KIAA1217: variants seen among roughly 807,000 people sequenced by gnomAD.
KIAA1217 encodes the protein sickle tail protein homolog.
A neutral mutation model predicts 163.9 loss-of-function variants in KIAA1217; 88 were observed. The observed-to-expected ratio is 0.54, with a 90% CI of 0.45 to 0.64. The LOEUF (loss-of-function observed/expected upper bound fraction) is 0.64, where lower values mean the gene tolerates loss of function less well. Among genes scored for constraint, KIAA1217 ranks in the 30% least tolerant of loss-of-function variants. The pLI, the probability that KIAA1217 is intolerant of heterozygous loss-of-function variation, is 0.00. For synonymous variants in KIAA1217, 903 were observed against 923.1 expected (o/e 0.98, Z 0.39); for missense variants, 2,372 against 2,475.0 (o/e 0.96, Z 0.88).
At position 24,484,224 on chromosome 10, in the gene KIAA1217, C is replaced by T. The variant is rs1418544896; in HGVS notation, c.1679+10164C>T. Among the ~76,000 whole-genome samples the T allele has an allele frequency of 7.8e-4, 71 of 90,530 alleles. 1 individual carries two copies. The highest frequency in any genetic ancestry group is 2.9e-3 in the African/African-American group (62 of 21,218). The allele number at this position is 90,530 out of a possible 152,430, so 59.4% of individuals were successfully genotyped here. On this transcript the variant is annotated intron_variant, in intron 6 of 20. Transcript: ENST00000376454. Reference sequence around the variant, plus strand: ...ACATATATATAGATAGATAGATATACATATATATATATATATATTTTTTTT... The same window carrying T: ...ACATATATATAGATAGATAGATATATATATATATATATATATATTTTTTTT...
intron 5 of KIAA1217, among the ~76,000 whole-genome samples, chr10:24,457,381 G>A (rs1232377239): frequency 3.7e-5 from 5 of 135,388 alleles, no homozygotes; most frequent in African/African-American, 1.3e-4. Context: ...TGTGGGTGGC[G>A]GGGTTTGGGG....
chr10:23,818,014 CAT>C lies in KIAA1217; in HGVS notation c.-321+122788_-321+122789del, dbSNP rs1166196227. ...ATATATATATATATATATATACACACATATATATACACACATATATATACATA... is the reference window on the plus strand; with the variant it reads ...ATATATATATATATATATATACACACATATATACACACATATATATACATA... On this transcript the variant is annotated intron_variant, in intron 1 of 18. Transcript: ENST00000376462. Among the ~76,000 whole-genome samples the C allele has an allele frequency of 7.4e-5, 8 of 107,418 alleles. No homozygotes were observed. In the East Asian group the frequency reaches 7.6e-4, roughly 10 times the overall value. 70.5% of individuals were successfully genotyped at this position (107,418 alleles called of 152,430 possible).
At chr10:23,828,561 C>T (rs146047114) in intron 1 of KIAA1217, among the ~76,000 whole-genome samples, 67 of 152,238 alleles carry the variant, frequency 4.4e-4, no homozygotes, top group African/African-American at 1.6e-3. Context: ...AACTTTTTGT[C>T]TAAAAGAGGA....
At position 24,371,316 on chromosome 10, in the gene KIAA1217, G is replaced by GA. The variant is rs1213360483; in HGVS notation, c.355-9545dup. On this transcript the variant is annotated intron_variant, in intron 2 of 20. Coordinates refer to ENST00000376454, the MANE Select transcript of KIAA1217 (RefSeq NM_019590.5). ...TAGGTGGAACCAAACCTCTTCAAGG[G>GA]AAAAAAAAGAATACTGTATCATCTA... Among the ~76,000 whole-genome samples the GA allele has an allele frequency of 8.6e-5, 13 of 151,624 alleles. No homozygotes were observed. The South Asian group carries it at 2.5e-3, about 29-fold the overall frequency.
chr10:23,836,302 T>G (rs1292222450), intron 1 of KIAA1217, among the ~76,000 whole-genome samples: 1 of 152,172 alleles, frequency 6.6e-6, no homozygotes, highest in African/African-American at 2.4e-5. Context: ...AAGCATAGTT[T>G]ATATGGATTT....
At chr10:24,326,981 A>G (rs2045007654) in intron 2 of KIAA1217, among the ~76,000 whole-genome samples, 1 of 152,202 alleles carries the variant, frequency 6.6e-6, no homozygotes, top group African/African-American at 2.4e-5. Flanking sequence ...TTGGTTATGC[A>G]TAACTTTTGG....
Position 24,533,162 on chromosome 10 carries a change from G to T in KIAA1217, c.3339G>T (p.Pro1113=), listed in dbSNP as rs200553530. Reference sequence around the variant, plus strand: ...CTTCAGCCTGGACCCCATCCCCACCGCCTGTCACCACCTCCTCCTCAAAGG... The same window carrying T: ...CTTCAGCCTGGACCCCATCCCCACCTCCTGTCACCACCTCCTCCTCAAAGG... ...EPASAWTPSP[P]PVTTSSSKDE... is the part of the protein sequence containing the mutation. The change falls in exon 16 of 21, where the codon CCG becomes CCT. Residue 1113 remains proline (P), a synonymous_variant. Coordinates refer to ENST00000376454, the MANE Select transcript of KIAA1217 (RefSeq NM_019590.5). 1.2e-6 allele frequency: 2 copies of T among 1,613,610 alleles called. No individual in the cohort carries two copies. Among genetic ancestry groups the T allele is most frequent in the African/African-American group, 1.3e-5 (1 of 75,002 alleles).
At chr10:24,363,963 A>G (rs1271015331) in intron 2 of KIAA1217, among the ~76,000 whole-genome samples, 1 of 149,986 alleles carries the variant, frequency 6.7e-6, no homozygotes, top group African/African-American at 2.5e-5. Flanking sequence ...GAAAACACTC[A>G]ACTCTGGTCT....
chr10:24,125,177 C>T (rs1325110658), intron 2 of KIAA1217, among the ~76,000 whole-genome samples: 5 of 152,076 alleles, frequency 3.3e-5, no homozygotes, highest in Non-Finnish European at 5.9e-5. Flanking sequence ...GAGGCTAAGG[C>T]AGGAGAATTG....
intron 9 of KIAA1217, among the ~76,000 whole-genome samples, chr10:24,502,240 C>CTTTT (rs772404852): frequency 1.1e-4 from 9 of 80,606 alleles, no homozygotes; most frequent in African/African-American, 3.5e-4. Flanking sequence ...GTCAGCCAAG[C>CTTTT]TTTTTTTTTT....
intron 2 of KIAA1217, among the ~76,000 whole-genome samples, chr10:24,234,447 T>C (rs1442709511): frequency 1.3e-5 from 2 of 152,038 alleles, no homozygotes; most frequent in Non-Finnish European, 2.9e-5. Flanking sequence ...GCGGATCACC[T>C]GAGGTCAGGA....
intron 2 of KIAA1217, among the ~76,000 whole-genome samples, chr10:24,022,236 C>T (rs778251721): frequency 6.6e-4 from 100 of 151,278 alleles, no homozygotes; most frequent in Non-Finnish European, 5.9e-5. Flanking sequence ...AAATATACAA[C>T]GAACACTTAA....
chr10:24,324,535 C>T (rs191723185), intron 2 of KIAA1217, among the ~76,000 whole-genome samples: 4 of 152,186 alleles, frequency 2.6e-5, no homozygotes, highest in African/African-American at 7.2e-5. Context: ...TCACTGCGCT[C>T]CATCCTGGGC....
At chr10:24,434,503 A>G (rs2059870903) in intron 4 of KIAA1217, among the ~76,000 whole-genome samples, 1 of 152,102 alleles carries the variant, frequency 6.6e-6, no homozygotes, top group Non-Finnish European at 1.5e-5. Context: ...ATATCTGGCT[A>G]ATTTTTAATC....
chr10:24,096,781 G>A (rs1047129555), intron 2 of KIAA1217, among the ~76,000 whole-genome samples: 2 of 152,086 alleles, frequency 1.3e-5, no homozygotes, highest in Non-Finnish European at 2.9e-5. Context: ...GACTAGATTT[G>A]CTTCCCTTAT....
At chr10:23,883,585 C>T (rs117297498) in intron 1 of KIAA1217, among the ~76,000 whole-genome samples, 4,551 of 152,002 alleles carry the variant, frequency 0.03, 87 homozygotes, top group Middle Eastern at 0.12. Context: ...CGTTCTCCAC[C>T]AAATCGATAC....
At chr10:24,159,341 G>A (rs896281239) in intron 2 of KIAA1217, among the ~76,000 whole-genome samples, 1 of 152,038 alleles carries the variant, frequency 6.6e-6, no homozygotes, top group African/African-American at 2.4e-5. Flanking sequence ...CATTGTCAAT[G>A]ATTTTAAAAA....
chr10:23,745,337 A>C (rs1165539086), intron 1 of KIAA1217, among the ~76,000 whole-genome samples: 1 of 152,196 alleles, frequency 6.6e-6, no homozygotes, highest in East Asian at 1.9e-4. Context: ...ATGACACTCT[A>C]GTTATTTCCA....
intron 2 of KIAA1217, among the ~76,000 whole-genome samples, chr10:24,267,166 C>T (rs566416977): frequency 1.3e-5 from 2 of 152,252 alleles, no homozygotes; most frequent in South Asian, 4.1e-4. Context: ...TTATTTATAG[C>T]TTTGTGTCTT....
Sources: gnomAD v4.1 joint callset for allele counts (sites outside exome capture counted in the v4.1 genomes callset) on GRCh38, gnomAD v4.1.1 for gene constraint, MANE v1.5 for transcripts, NCBI Gene and HGNC (gene_info 2026-07-23, HGNC 2026-07-21) for gene names.